Variants in BUD13 observed in about 807,000 individuals in gnomAD.
BUD13 encodes BUD13 homolog.
BUD13 carries 47 observed loss-of-function variants against 62.5 expected under a neutral mutation model. The observed-to-expected ratio is 0.75, with a 90% CI of 0.60 to 0.96. The LOEUF (loss-of-function observed/expected upper bound fraction) is 0.96, where lower values mean the gene tolerates loss of function less well. Among genes scored for constraint, BUD13 ranks in the 40% least tolerant of loss-of-function variants. The pLI is 0.00. For synonymous variants in BUD13, 293 were observed against 280.1 expected (o/e 1.05, Z -0.46); for missense variants, 821 against 790.9 (o/e 1.04, Z -0.46).
At chr11:116,756,912 G>A (rs554176022) in intron 9 of BUD13, among the ~76,000 whole-genome samples, 24 of 152,288 alleles carry the variant, frequency 1.6e-4, no homozygotes, top group Non-Finnish European at 2.4e-4. Flanking sequence ...TGTCTTATCT[G>A]AACCACCTGA....
chr11:116,754,575 AG>A (rs1250571406), intron 9 of BUD13, among the ~76,000 whole-genome samples: 1 of 152,224 alleles, frequency 6.6e-6, no homozygotes, highest in Non-Finnish European at 1.5e-5. Context: ...CAGGAATAGA[AG>A]GGAACTTTAA....
rs1029442227 is a variant in BUD13, at chr11:116,758,075, A to C, written c.1500-125T>G. On this transcript the variant is annotated intron_variant, in intron 7 of 9. Coordinates refer to ENST00000260210, the MANE Select transcript of BUD13 (RefSeq NM_032725.4). ...TAGTACCCTAGGGCAAATACTGAGC[A>C]GGGTAAAATTCCCAGAATACCCACT... is the stretch of plus-strand genomic sequence containing the variant. The C allele has an allele frequency of 5.6e-6, 8 of 1,419,158 alleles. No individual in the cohort carries two copies. In the African/African-American group the frequency reaches 8.6e-5, roughly 15 times the overall value. The allele number at this position is 1,419,158 out of a possible 1,614,324, so 87.9% of individuals were successfully genotyped here.
chr11:116,762,865 T>C lies in BUD13; in HGVS notation c.724A>G (p.Arg242Gly). ...RHGSSDISSP[R>G]RVHNNSPDTS... The stretch of plus-strand genomic sequence containing the variant: ...TCAGGGGAGTTGTTATGGACCCTTC[T>C]GGGGGAAGAGATATCTGAGGAACCA... The change falls in exon 4 of 10, where the codon AGA (arginine) becomes GGA (glycine). Residue 242 changes from arginine to glycine, a missense_variant. Arg to Gly is a moderately radical substitution (Grantham distance 125). This residue lies in a region of BUD13 where 800 missense variants were observed against 739.2 expected (regional missense o/e 1.08). Transcript: ENST00000260210. The C allele has an allele frequency of 6.2e-7, 1 of 1,613,704 alleles. No individual in the cohort carries two copies. Among genetic ancestry groups the C allele is most frequent in the Non-Finnish European group, 8.5e-7 (1 of 1,179,914 alleles).
intron 6 of BUD13, 140 bp from the exon 7 acceptor site, chr11:116,758,547 T>TA: frequency 1.2e-6 from 1 of 832,836 alleles, no homozygotes; most frequent in Non-Finnish European, 1.8e-6. Context: ...AACATCTTGG[T>TA]GCATATTGGC....
intron 2 of BUD13, 56 bp downstream of exon 2, chr11:116,770,073 A>AG: frequency 1.5e-6 from 2 of 1,352,474 alleles, no homozygotes; most frequent in East Asian, 4.7e-5. Context: ...AAAAAAAAAA[A>AG]GGAAATTGAG....
intron 7 of BUD13, 129 bp from the exon 8 acceptor site, chr11:116,758,079 T>A: frequency 1.4e-6 from 2 of 1,419,766 alleles, no homozygotes; most frequent in South Asian, 2.7e-5. Flanking sequence ...CTGAGCAGGG[T>A]AAAATTCCCA....
intron 8 of BUD13, 97 bp downstream of exon 8, chr11:116,757,669 A>C (rs1365670173): frequency 7.5e-7 from 1 of 1,326,300 alleles, no homozygotes. Flanking sequence ...AATTTAAATT[A>C]TTTGGGAAAT....
chr11:116,750,215 AG>A (rs1439992203), intron 9 of BUD13, among the ~76,000 whole-genome samples: 20 of 152,328 alleles, frequency 1.3e-4, no homozygotes, highest in Non-Finnish European at 4.4e-5. Context: ...AGGTGCACAG[AG>A]GAAGAGGAGT....
At chr11:116,763,305 C>G (rs760785721) in intron 3 of BUD13, 39 bp from the exon 4 acceptor site, 1 of 1,489,790 alleles carries the variant, frequency 6.7e-7, no homozygotes, top group East Asian at 2.3e-5. Flanking sequence ...CCCACAAATG[C>G]TCTGTCCCTC....
rs531671305 is a variant in BUD13 at position 116,753,787 on chromosome 11, T to C, written c.1766+3359A>G. On this transcript the variant is annotated intron_variant, in intron 9 of 9. Transcript: ENST00000260210. ...AATCTCAGCAGAGAAATGTAAGCTA[T>C]TAAATGGAAATTTTAGAGTTGAAAA... 2.0e-5 allele frequency among the ~76,000 whole-genome samples: 3 copies of C among 152,292 alleles called. No individual in the cohort carries two copies. In the East Asian group the frequency reaches 5.8e-4, roughly 29 times the overall value.
At chr11:116,765,481 C>T in intron 2 of BUD13, 35 bp from the exon 3 acceptor site, 3 of 1,607,638 alleles carry the variant, frequency 1.9e-6, no homozygotes, top group Non-Finnish European at 2.6e-6. Flanking sequence ...TTAGGAAATC[C>T]ACAGGATCCA....
At chr11:116,756,521 A>C (rs768685620) in intron 9 of BUD13, among the ~76,000 whole-genome samples, 14 of 152,120 alleles carry the variant, frequency 9.2e-5, no homozygotes, top group Non-Finnish European at 1.9e-4. Context: ...CAAAAAAAAA[A>C]AGACTGTAAA....
rs771637486 is a variant in BUD13 at position 116,758,272 on chromosome 11, T to C, written c.1496A>G (p.Lys499Arg). 14 of 1,614,164 alleles carry C rather than the reference T, an allele frequency of 8.7e-6. No individual in the cohort carries two copies. The highest frequency in any genetic ancestry group is 1.1e-5 in the Non-Finnish European group (13 of 1,180,018). ...ACCCTTTCAGTGGTTCCCTTACCCT[T>C]TTCCCCACTGGGCATACAGCTCATC... Reference protein sequence around the residue: ...ERDELYAQWGKGLAQSRQQQQ... With the variant: ...ERDELYAQWGRGLAQSRQQQQ... The change falls in exon 7 of 10, where the codon AAA becomes AGA. Residue 499 changes from lysine to arginine, a missense_variant. Physicochemically the swap from Lys to Arg is conservative, Grantham distance 26 (BLOSUM62 2). Transcript: ENST00000260210.
Position 116,761,099 on chromosome 11 carries a change from T to C in BUD13, c.1037-147A>G, listed in dbSNP as rs142616924. 1,553 of 580,578 alleles carry C rather than the reference T, an allele frequency of 2.7e-3. 21 individuals are homozygous for C. Among genetic ancestry groups the C allele is most frequent in the African/African-American group, 0.026 (1,351 of 52,510 alleles). The allele number at this position is 580,578 out of a possible 1,614,324, so 36.0% of individuals were successfully genotyped here. A position where few individuals can be genotyped will look rare whatever the true frequency, so the allele number is the denominator to read the frequency against. On this transcript the variant is annotated intron_variant, in intron 4 of 9. Transcript: ENST00000260210. ...TTTTTTTTTTGAGACAGTCTCAGGC[T>C]GGAGTGCAGTGGCATGATCTCAGCT...
rs758022011 is a variant in BUD13 at position 116,770,234 on chromosome 11, T to C, written c.144-12A>G. ...CCACAATCCGCATTCTAAATGAGAA[T>C]AAGAAGATCAAAAAGAGTCATTCTA... is the stretch of plus-strand genomic sequence containing the variant. On this transcript the variant is annotated splice_polypyrimidine_tract_variant and intron_variant, in intron 1 of 9. Coordinates refer to ENST00000260210, the MANE Select transcript of BUD13 (RefSeq NM_032725.4). 11 of 1,597,382 alleles carry C rather than the reference T, an allele frequency of 6.9e-6. No individual in the cohort carries two copies. Among genetic ancestry groups the C allele is most frequent in the Admixed American group, 1.8e-5 (1 of 56,022 alleles).
At chr11:116,749,588 C>T (rs1165276471) in intron 9 of BUD13, among the ~76,000 whole-genome samples, 3 of 152,086 alleles carry the variant, frequency 2.0e-5, no homozygotes, top group African/African-American at 7.2e-5. Context: ...GTGCAGCAAA[C>T]CAAAGGCAAA....
chr11:116,772,927 A>T lies in BUD13; in HGVS notation c.38T>A (p.Leu13Gln). Reference sequence around the variant, plus strand: ...ATCTGCCCCGGACAAGTAACGCTTCAGATACTCGGCCTTGGAAAGCGGCGG... The same window carrying T: ...ATCTGCCCCGGACAAGTAACGCTTCTGATACTCGGCCTTGGAAAGCGGCGG... ...AAPPLSKAEY[L>Q]KRYLSGADAG... Residue 13 changes from leucine (L) to glutamine (Q), a missense_variant, in exon 1 of 10, where the codon CTG becomes CAG. Physicochemically the swap from Leu to Gln is moderately radical, Grantham distance 113. Coordinates refer to ENST00000260210, the MANE Select transcript of BUD13 (RefSeq NM_032725.4). 1 of 1,586,608 alleles carries T rather than the reference A, an allele frequency of 6.3e-7. No homozygotes were observed. The highest frequency in any genetic ancestry group is 8.6e-7 in the Non-Finnish European group (1 of 1,166,794).
At chr11:116,749,463 G>A (rs1940196175) in intron 9 of BUD13, among the ~76,000 whole-genome samples, 1 of 152,202 alleles carries the variant, frequency 6.6e-6, no homozygotes, top group Admixed American at 6.6e-5. Context: ...GATCAGTAAA[G>A]GCTCTGTGTT....
intron 9 of BUD13, among the ~76,000 whole-genome samples, chr11:116,756,469 G>A (rs956521514): frequency 5.3e-5 from 8 of 149,808 alleles, no homozygotes; most frequent in African/African-American, 1.5e-4. Context: ...CCGAGACTGC[G>A]CCACTGCACT....
Sources: gnomAD v4.1 joint callset for allele counts (sites outside exome capture counted in the v4.1 genomes callset) on GRCh38, gnomAD v4.1.1 for gene constraint, gnomAD v4.1.1 regional missense constraint, MANE v1.5 for transcripts, NCBI Gene and HGNC (gene_info 2026-07-23, HGNC 2026-07-21) for gene names.